The following RBFOX1 variants were observed in gnomAD, a reference collection of about 807,000 sequenced individuals.
RBFOX1 encodes RNA binding protein fox-1 homolog 1.
Under a neutral mutation model 57.7 loss-of-function variants are expected in RBFOX1, and 8 were observed. The ratio of observed to expected loss-of-function variants is 0.14; its 90% CI spans 0.08 to 0.25. The LOEUF (loss-of-function observed/expected upper bound fraction) is 0.25, where lower values mean the gene tolerates loss of function less well. RBFOX1 is among the 10% of genes least tolerant of loss of function. RBFOX1 has a pLI of 1.00. For missense variants in RBFOX1, 611 were observed against 548.5 expected, an observed-to-expected ratio of 1.11 and a Z score of -1.14; for synonymous variants, 326 against 222.4, an observed-to-expected ratio of 1.47 and a Z score of -4.15.
chr16:7,331,504 C>T (rs1316892370), intron 4 of RBFOX1, among the ~76,000 whole-genome samples: 1 of 152,200 alleles, frequency 6.6e-6, no homozygotes, highest in East Asian at 1.9e-4. Flanking sequence ...TGATTGTTAT[C>T]TGAGCCTTCA....
At chr16:7,347,302 G>A (rs1445118248) in intron 4 of RBFOX1, among the ~76,000 whole-genome samples, 3 of 152,168 alleles carry the variant, frequency 2.0e-5, no homozygotes, top group Non-Finnish European at 2.9e-5. Context: ...CAGGTGGCTG[G>A]GGAGCCCTCA....
intron 2 of RBFOX1, among the ~76,000 whole-genome samples, chr16:6,559,111 A>ATGTG (rs34909448): frequency 1.9e-4 from 29 of 149,918 alleles, no homozygotes; most frequent in East Asian, 1.8e-3. Context: ...ATATATACAT[A>ATGTG]TGTGTGTGTG....
Position 6,838,871 on chromosome 16 carries a change from A to T in RBFOX1, c.-16+184221A>T, listed in dbSNP as rs1457792514. On this transcript the variant is annotated intron_variant, in intron 3 of 15. Coordinates refer to ENST00000550418, the MANE Select transcript of RBFOX1 (RefSeq NM_018723.4). ...ACTCTGAAGGAAAATCACACTGAGAATCTCACCCACAGAAAAAGGATTCTT... is the reference window on the plus strand; with the variant it reads ...ACTCTGAAGGAAAATCACACTGAGATTCTCACCCACAGAAAAAGGATTCTT... Among the ~76,000 whole-genome samples, 4 of 151,832 alleles carry T rather than the reference A, an allele frequency of 2.6e-5. No homozygotes were observed. In the East Asian group the frequency reaches 7.7e-4, roughly 29 times the overall value.
intron 6 of RBFOX1, among the ~76,000 whole-genome samples, chr16:7,582,386 G>A (rs933848001): frequency 6.6e-5 from 10 of 152,170 alleles, no homozygotes; most frequent in African/African-American, 2.2e-4. Context: ...CTATAAAAGT[G>A]CCAGGAACAT....
intron 4 of RBFOX1, among the ~76,000 whole-genome samples, chr16:7,258,263 T>G (rs968740583): frequency 9.2e-5 from 14 of 152,208 alleles, no homozygotes; most frequent in African/African-American, 3.1e-4. Flanking sequence ...GTCCTTCTTA[T>G]TAATTATTCT....
intron 13 of RBFOX1, among the ~76,000 whole-genome samples, chr16:7,674,753 T>G (rs1004494720): frequency 6.6e-6 from 1 of 152,202 alleles, no homozygotes; most frequent in Admixed American, 6.5e-5. Context: ...ATTTGATGTT[T>G]CTACTATACA....
At chr16:6,875,644 A>C (rs1030829499) in intron 3 of RBFOX1, among the ~76,000 whole-genome samples, 1 of 152,218 alleles carries the variant, frequency 6.6e-6, no homozygotes, top group Non-Finnish European at 1.5e-5. Context: ...GGATAAAAAT[A>C]ATTTTAACCT....
At chr16:6,806,838 T>TA (rs1567331467) in intron 3 of RBFOX1, among the ~76,000 whole-genome samples, 62 of 48,086 alleles carry the variant, frequency 1.3e-3, no homozygotes, top group African/African-American at 4.0e-3. Context: ...ATATATATAT[T>TA]TTTTTTTTTT....
At chr16:7,304,257 C>T (rs1320028610) in intron 4 of RBFOX1, 57 of 982,284 alleles carry the variant, frequency 5.8e-5, no homozygotes, top group Non-Finnish European at 6.6e-5. Flanking sequence ...ACAGCGCGAG[C>T]CACCGGTCAT....
rs531024434 is a variant in RBFOX1 at position 6,635,973 on chromosome 16, T to G, written c.-63-18630T>G. On this transcript the variant is annotated intron_variant, in intron 2 of 15. Transcript: ENST00000550418. The stretch of plus-strand genomic sequence containing the variant: ...TGGGACCCAAGTTGAGAACCGTCAT[T>G]GCCTTATGCTTTATATGCACATCAT... Among the ~76,000 whole-genome samples the G allele has an allele frequency of 1.4e-4, 22 of 152,298 alleles. No individual in the cohort carries two copies. The East Asian group carries it at 4.1e-3, about 28-fold the overall frequency.
At chr16:6,480,260 C>A (rs533972710) in intron 2 of RBFOX1, among the ~76,000 whole-genome samples, 2 of 152,144 alleles carry the variant, frequency 1.3e-5, no homozygotes, top group Non-Finnish European at 2.9e-5. Flanking sequence ...TATACATACA[C>A]ACTTTTCACT....
intron 2 of RBFOX1, among the ~76,000 whole-genome samples, chr16:6,584,765 G>A (rs765458762): frequency 1.3e-5 from 2 of 152,178 alleles, no homozygotes; most frequent in Non-Finnish European, 2.9e-5. Flanking sequence ...ACCCACCAAG[G>A]CAGGACCAGC....
chr16:5,288,578 T>C (rs2063456000), intron 1 of RBFOX1, among the ~76,000 whole-genome samples: 1 of 152,066 alleles, frequency 6.6e-6, no homozygotes, highest in Admixed American at 6.5e-5. Flanking sequence ...TAGAAGATCC[T>C]TGTAATCCCT....
At chr16:6,383,578 G>T (rs375882123) in intron 2 of RBFOX1, among the ~76,000 whole-genome samples, 1 of 152,098 alleles carries the variant, frequency 6.6e-6, no homozygotes, top group East Asian at 1.9e-4. Flanking sequence ...TTCGAGACTG[G>T]CCTGGCCAAC....
At chr16:5,960,723 C>G (rs984319690) in intron 4 of RBFOX1, among the ~76,000 whole-genome samples, 1 of 152,154 alleles carries the variant, frequency 6.6e-6, no homozygotes, top group African/African-American at 2.4e-5. Flanking sequence ...CGCACCTCCT[C>G]CATCATTCTG....
At chr16:6,556,547 A>G (rs1282590986) in intron 2 of RBFOX1, among the ~76,000 whole-genome samples, 1 of 152,222 alleles carries the variant, frequency 6.6e-6, no homozygotes, top group Non-Finnish European at 1.5e-5. Flanking sequence ...CGAATCAGCC[A>G]TTCACTGGGT....
In RBFOX1 at chr16:6,866,010, T is replaced by A. The variant is rs927830460; in HGVS notation, c.-15-186047T>A. ...CAATCGGGGAAAAAAGAGGGAGTAA[T>A]ATTGGCTAGCACATCTTTGAATGCA... On this transcript the variant is annotated intron_variant, in intron 3 of 15. Coordinates refer to ENST00000550418, the MANE Select transcript of RBFOX1 (RefSeq NM_018723.4). Among the ~76,000 whole-genome samples, 4 of 152,160 alleles carry A rather than the reference T, an allele frequency of 2.6e-5. No homozygotes were observed. In the South Asian group the frequency reaches 8.3e-4, roughly 32 times the overall value.
At chr16:5,756,604 C>T (rs1375343746) in intron 3 of RBFOX1, among the ~76,000 whole-genome samples, 2 of 152,134 alleles carry the variant, frequency 1.3e-5, no homozygotes, top group African/African-American at 2.4e-5. Flanking sequence ...TTTATCGTGG[C>T]TTAACTAATC....
intron 3 of RBFOX1, among the ~76,000 whole-genome samples, chr16:6,732,065 A>G (rs2068750124): frequency 1.3e-5 from 2 of 152,234 alleles, no homozygotes; most frequent in East Asian, 1.9e-4. Context: ...CTTGAGATCT[A>G]TCCCTCTTTT....
Sources: allele counts gnomAD v4.1 joint callset (sites outside exome capture counted in the v4.1 genomes callset), GRCh38; gene constraint gnomAD v4.1.1; transcripts MANE v1.5; gene names NCBI Gene and HGNC (gene_info 2026-07-23, HGNC 2026-07-21).